The following CYP19A1 variants were observed in gnomAD, a reference collection of about 807,000 sequenced individuals.
The protein encoded by CYP19A1 is cytochrome P450 family 19 subfamily A member 1.
In CYP19A1, 32 loss-of-function variants were observed where a neutral mutation model predicts 44.4. That is an observed-to-expected ratio of 0.72 (90% CI 0.54 to 0.97). The LOEUF (loss-of-function observed/expected upper bound fraction) is 0.97. Ranked by LOEUF, CYP19A1 falls within the 50% of genes least tolerant of loss-of-function variation. CYP19A1 has a pLI of 0.00. For synonymous variants in CYP19A1, 212 were observed against 215.6 expected, an observed-to-expected ratio of 0.98 and a Z score of 0.14; for missense variants, 598 against 637.8, an observed-to-expected ratio of 0.94 and a Z score of 0.67.
chr15:51,264,240 C>T (rs994712308), intron 1 of CYP19A1, among the ~76,000 whole-genome samples: 2 of 152,038 alleles, frequency 1.3e-5, no homozygotes, highest in South Asian at 2.1e-4. Context: ...ACAGGTTCAC[C>T]GCTGTGTCCA....
At chr15:51,240,797 G>A (rs1566889193) in intron 2 of CYP19A1, among the ~76,000 whole-genome samples, 1 of 152,168 alleles carries the variant, frequency 6.6e-6, no homozygotes, top group Admixed American at 6.5e-5. Flanking sequence ...CTGTCCAGCT[G>A]GGGAGATGAC....
At chr15:51,237,969 C>T (rs1342617920) in intron 2 of CYP19A1, among the ~76,000 whole-genome samples, 6 of 152,192 alleles carry the variant, frequency 3.9e-5, no homozygotes, top group Non-Finnish European at 7.4e-5. Context: ...TGCCTAACTA[C>T]GTGAAACAGC....
intron 1 of CYP19A1, among the ~76,000 whole-genome samples, chr15:51,280,394 A>G (rs561940339): frequency 9.2e-5 from 14 of 152,232 alleles, no homozygotes; most frequent in African/African-American, 2.6e-4. Flanking sequence ...CACCACGCCC[A>G]GCCAAAGCCT....
chr15:51,325,880 C>T (rs533762767), intron 1 of CYP19A1, among the ~76,000 whole-genome samples: 1 of 147,946 alleles, frequency 6.8e-6, no homozygotes, highest in African/African-American at 2.5e-5. Context: ...TTGAGTCCAC[C>T]TAACCTACCA....
intron 1 of CYP19A1, among the ~76,000 whole-genome samples, chr15:51,323,410 T>G (rs1422994802): frequency 6.6e-6 from 1 of 151,720 alleles, no homozygotes; most frequent in African/African-American, 2.4e-5. Flanking sequence ...GTAGAACTTG[T>G]GGGATCAATG....
intron 1 of CYP19A1, among the ~76,000 whole-genome samples, chr15:51,333,111 T>C (rs538125569): frequency 6.6e-6 from 1 of 152,366 alleles, no homozygotes; most frequent in East Asian, 1.9e-4. Flanking sequence ...GGAATGTTTA[T>C]GTCCTAACGT....
At chr15:51,284,693 C>G (rs1454997821) in intron 1 of CYP19A1, among the ~76,000 whole-genome samples, 1 of 152,024 alleles carries the variant, frequency 6.6e-6, no homozygotes, top group African/African-American at 2.4e-5. Context: ...AAAGATCAAC[C>G]CATAACTGCA....
chr15:51,335,922 T>A (rs6493496), intron 1 of CYP19A1, among the ~76,000 whole-genome samples: 42,705 of 152,192 alleles, frequency 0.28, 6,489 homozygotes, highest in African/African-American at 0.37. Flanking sequence ...TGGCACCGCA[T>A]TGGCTTCTTA....
intron 1 of CYP19A1, among the ~76,000 whole-genome samples, chr15:51,330,325 A>G (rs189644655): frequency 4.6e-5 from 7 of 152,278 alleles, no homozygotes; most frequent in African/African-American, 1.2e-4. Flanking sequence ...TGTGGACCCA[A>G]ACTAAGGTGC....
chr15:51,253,204 C>T (rs28757157), intron 1 of CYP19A1, among the ~76,000 whole-genome samples: 19,027 of 152,034 alleles, frequency 0.13, 1,963 homozygotes, highest in African/African-American at 0.26. Context: ...GAGGAAGAAA[C>T]GAGATAAAGC....
chr15:51,330,953 G>A (rs758816138), intron 1 of CYP19A1, among the ~76,000 whole-genome samples: 9 of 152,166 alleles, frequency 5.9e-5, no homozygotes, highest in African/African-American at 1.2e-4. Context: ...CTACATGGCC[G>A]TGACGTGGCG....
chr15:51,227,805 T>G lies in CYP19A1; in HGVS notation c.425A>C (p.Lys142Thr). The G allele has an allele frequency of 6.5e-7, 1 of 1,548,790 alleles. No homozygotes were observed. The highest frequency in any genetic ancestry group is 8.9e-7 in the Non-Finnish European group (1 of 1,120,482). ...IIFNNNPELW[K>T]TTRPFFMKAL... ...TTTCATAAAGAAGGGTCGAGTTGTT[T>G]TCCAGAGCTCTGGATTGTTGTTAAA... Residue 142 changes from lysine (K) to threonine (T), a missense_variant, in exon 4 of 10, where the codon AAA becomes ACA. By Grantham distance (78) the Lys-to-Thr change is moderately conservative (BLOSUM62 -1). Coordinates refer to ENST00000396402, the MANE Select transcript of CYP19A1 (RefSeq NM_000103.4).
At position 51,222,258 on chromosome 15, in the gene CYP19A1, T is replaced by A. The variant is rs1384280061; in HGVS notation, c.628+91A>T. ...GTTTAAACAAGAGCAATGTAGAAAA[T>A]GGCATGTGATTCCTTTGGTCTGTTA... On this transcript the variant is annotated intron_variant, in intron 5 of 9. Transcript: ENST00000396402. The A allele has an allele frequency of 1.9e-6, 3 of 1,603,508 alleles. No homozygotes were observed. In the East Asian group the frequency reaches 6.7e-5, roughly 36 times the overall value.
In CYP19A1 at chr15:51,336,767, T is replaced by C. The variant is rs1418341255; in HGVS notation, c.-39+1728A>G. ...TGGAAATGAAGCATCTGCCTTTTAA[T>C]GGAAAAACTACTTCTCATTGTAAAG... On this transcript the variant is annotated intron_variant, in intron 1 of 9. Coordinates refer to ENST00000396402, the MANE Select transcript of CYP19A1 (RefSeq NM_000103.4). 2.6e-5 allele frequency among the ~76,000 whole-genome samples: 4 copies of C among 152,342 alleles called. No individual in the cohort carries two copies. In the East Asian group the frequency reaches 7.7e-4, roughly 29 times the overall value.
At chr15:51,276,863 G>GT (rs1357826573) in intron 1 of CYP19A1, among the ~76,000 whole-genome samples, 1 of 152,170 alleles carries the variant, frequency 6.6e-6, no homozygotes, top group South Asian at 2.1e-4. Context: ...AGGAGCAACT[G>GT]TAAGTCCCAA....
chr15:51,325,081 C>T (rs1162231546), intron 1 of CYP19A1, among the ~76,000 whole-genome samples: 1 of 152,106 alleles, frequency 6.6e-6, no homozygotes, highest in African/African-American at 2.4e-5. Context: ...GTTTAGGGCA[C>T]ACGGTTATGT....
rs1244426810 is a variant in CYP19A1 at position 51,215,180 on chromosome 15, A to C, written c.911T>G (p.Leu304Arg). Residue 304 changes from leucine (L) to arginine (R), a missense_variant, in exon 8 of 10, where the codon CTG becomes CGG. Leu to Arg is a moderately radical substitution (Grantham distance 102). Coordinates refer to ENST00000396402, the MANE Select transcript of CYP19A1 (RefSeq NM_000103.4). ...ENVNQCILEM[L>R]IAAPDTMSVS... ...AGACATGGTGTCAGGAGCTGCGATCAGCATTTCCAATATGCACTGGTTCAC... is the reference window on the plus strand; with the variant it reads ...AGACATGGTGTCAGGAGCTGCGATCCGCATTTCCAATATGCACTGGTTCAC... The C allele has an allele frequency of 6.2e-7, 1 of 1,614,150 alleles. No homozygotes were observed. The highest frequency in any genetic ancestry group is 2.2e-5 in the East Asian group (1 of 44,852).
chr15:51,281,115 C>T (rs914776494), intron 1 of CYP19A1, among the ~76,000 whole-genome samples: 4 of 152,218 alleles, frequency 2.6e-5, no homozygotes, highest in African/African-American at 9.6e-5. Flanking sequence ...AGGACTTGCT[C>T]TTTCCCAGTG....
intron 1 of CYP19A1, among the ~76,000 whole-genome samples, chr15:51,314,893 A>G (rs1431023649): frequency 6.6e-6 from 1 of 152,134 alleles, no homozygotes; most frequent in Non-Finnish European, 1.5e-5. Flanking sequence ...CCCAGTCTCC[A>G]AACCTGTTGG....
Sources: allele counts gnomAD v4.1 joint callset (sites outside exome capture counted in the v4.1 genomes callset), GRCh38; gene constraint gnomAD v4.1.1; transcripts MANE v1.5; gene names NCBI Gene and HGNC (gene_info 2026-07-23, HGNC 2026-07-21).